LOC112694756: variants seen among roughly 807,000 people sequenced by gnomAD.
the LOC112694756 span, chr16:30,070,293 C>T: frequency 5.6e-6 from 8 of 1,422,158 alleles, no homozygotes; most frequent in Non-Finnish European, 7.9e-6. Flanking sequence ...CTCCTCGGGG[C>T]TCCAGGCTGG....
chr16:30,067,773 G>T, the LOC112694756 span: 2 of 1,262,802 alleles, frequency 1.6e-6, no homozygotes, highest in Non-Finnish European at 1.2e-6. Context: ...CTTGCATGGA[G>T]CCTGCTTCAG....
At chr16:30,067,167 C>T in the LOC112694756 span, 2 of 1,605,818 alleles carry the variant, frequency 1.2e-6, no homozygotes, top group African/African-American at 1.3e-5. Flanking sequence ...GGAGAGGGGC[C>T]CTGGTCATCG....
chr16:30,069,657 G>A, the LOC112694756 span: 1 of 1,613,570 alleles, frequency 6.2e-7, no homozygotes, highest in Non-Finnish European at 8.5e-7. Context: ...GCCGCACAGT[G>A]CCCCCCGCTG....
the LOC112694756 span, chr16:30,069,608 C>G: frequency 6.2e-7 from 1 of 1,613,980 alleles, no homozygotes; most frequent in Admixed American, 1.7e-5. Flanking sequence ...CAGAAGTTTT[C>G]TCATGAGGAG....
the LOC112694756 span, among the ~76,000 whole-genome samples, chr16:30,062,530 CA>C: frequency 0.034 from 1,998 of 58,606 alleles, 13 homozygotes; most frequent in Non-Finnish European, 0.039. Flanking sequence ...GACTCCGTCT[CA>C]AAAAAAAAAA....
At chr16:30,065,063 G>A in the LOC112694756 span, among the ~76,000 whole-genome samples, 1 of 152,252 alleles carries the variant, frequency 6.6e-6, no homozygotes, top group African/African-American at 2.4e-5. Context: ...AGGACTACCA[G>A]CCTGGCTGCG....
the LOC112694756 span, chr16:30,070,151 C>T: frequency 6.8e-6 from 11 of 1,614,100 alleles, no homozygotes; most frequent in South Asian, 3.3e-5. Context: ...AAGTACACTC[C>T]GAGCGGTCAG....
At chr16:30,070,113 T>C in the LOC112694756 span, 1 of 1,614,000 alleles carries the variant, frequency 6.2e-7, no homozygotes, top group South Asian at 1.1e-5. Flanking sequence ...CTCTCCCTGC[T>C]TAGGCCAACA....
At chr16:30,057,171 A>C in the LOC112694756 span, among the ~76,000 whole-genome samples, 1 of 151,944 alleles carries the variant, frequency 6.6e-6, no homozygotes, top group African/African-American at 2.4e-5. Flanking sequence ...CGGCCTCCTA[A>C]AGTGCTGGAA....
chr16:30,067,639 A>G, the LOC112694756 span: 1 of 1,614,066 alleles, frequency 6.2e-7, no homozygotes, highest in Non-Finnish European at 8.5e-7. Flanking sequence ...ATCAAATCCA[A>G]GGGCGGTGTT....
the LOC112694756 span, chr16:30,069,993 G>A: frequency 2.5e-6 from 4 of 1,613,878 alleles, no homozygotes; most frequent in Non-Finnish European, 2.5e-6. Flanking sequence ...AGGAGAACCT[G>A]AAGGCTGCGC....
chr16:30,069,062 C>T, the LOC112694756 span: 15 of 1,588,322 alleles, frequency 9.4e-6, no homozygotes, highest in Non-Finnish European at 1.2e-5. Flanking sequence ...GCCATGATGC[C>T]TACCTCCCCA....
chr16:30,059,337 A>G, the LOC112694756 span, among the ~76,000 whole-genome samples: 1 of 151,760 alleles, frequency 6.6e-6, no homozygotes, highest in South Asian at 2.1e-4. Flanking sequence ...CTCTACTAAA[A>G]TACAAAAAAA....
At chr16:30,066,396 C>T in the LOC112694756 span, among the ~76,000 whole-genome samples, 1 of 152,234 alleles carries the variant, frequency 6.6e-6, no homozygotes, top group Non-Finnish European at 1.5e-5. Flanking sequence ...TATCGGGCGA[C>T]CTTGATTCTG....
chr16:30,057,220 C>G, the LOC112694756 span, among the ~76,000 whole-genome samples: 2 of 152,100 alleles, frequency 1.3e-5, no homozygotes, highest in African/African-American at 4.8e-5. Context: ...TCTACTTGCC[C>G]TTTTTAACCT....
At chr16:30,068,808 C>G in the LOC112694756 span, 1 of 1,614,216 alleles carries the variant, frequency 6.2e-7, no homozygotes, top group Non-Finnish European at 8.5e-7. Flanking sequence ...ACCCCTTCCT[C>G]TTCTCTTAGG....
At chr16:30,053,707 G>A in the LOC112694756 span, among the ~76,000 whole-genome samples, 1 of 152,234 alleles carries the variant, frequency 6.6e-6, no homozygotes, top group East Asian at 1.9e-4. Flanking sequence ...AAGATAAGGA[G>A]TTGACTAAGT....
At chr16:30,055,697 C>A in the LOC112694756 span, among the ~76,000 whole-genome samples, 8 of 152,090 alleles carry the variant, frequency 5.3e-5, no homozygotes, top group Non-Finnish European at 8.8e-5. Flanking sequence ...CTTTACGGAC[C>A]TTTGTTTTTC....
At chr16:30,069,691 C>G in the LOC112694756 span, 1 of 1,613,096 alleles carries the variant, frequency 6.2e-7, no homozygotes, top group Non-Finnish European at 8.5e-7. Context: ...CCACACTCAT[C>G]TTGATCTCTA....
Sources: gnomAD v4.1 joint callset for allele counts (sites outside exome capture counted in the v4.1 genomes callset) on GRCh38, gnomAD v4.1.1 for gene constraint, MANE v1.5 for transcripts.